Variants in NHS observed in about 807,000 individuals in gnomAD.
NHS encodes the protein actin remodeling regulator NHS.
A neutral mutation model predicts 72.5 loss-of-function variants in NHS; 5 were observed. The ratio of observed to expected loss-of-function variants is 0.07; its 90% CI spans 0.04 to 0.14. The LOEUF (loss-of-function observed/expected upper bound fraction) is 0.14, where lower values mean the gene tolerates loss of function less well. Among genes scored for constraint, NHS ranks in the 10% least tolerant of loss-of-function variants. The pLI, the probability that NHS is intolerant of heterozygous loss-of-function variation, is 1.00. For missense variants in NHS, 1,072 were observed against 1,355.7 expected (o/e 0.79, Z 3.29); for synonymous variants, 464 against 547.7 (o/e 0.85, Z 2.13).
At chrX:17,432,687 G>A (rs1365010427) in intron 1 of NHS, among the ~76,000 whole-genome samples, 1 of 110,928 alleles carries the variant, frequency 9.0e-6, no homozygotes, top group Admixed American at 9.5e-5. Context: ...ATAAATATTT[G>A]GTAAATAATT....
intron 1 of NHS, among the ~76,000 whole-genome samples, chrX:17,681,836 C>G (rs2066130876): frequency 8.9e-6 from 1 of 111,926 alleles, no homozygotes; most frequent in Admixed American, 9.5e-5. Flanking sequence ...AATAAACACA[C>G]AGATATGTTC....
rs769681833 is a variant in NHS, at chrX:17,601,437, A to G, written c.566-86305A>G. 6.4e-4 allele frequency among the ~76,000 whole-genome samples: 72 copies of G among 112,047 alleles called. 1 individual carries two copies. Among genetic ancestry groups the G allele is most frequent in the African/African-American group, 2.3e-3 (70 of 30,857 alleles). ...AGAACATTATTTTGTTCTCAAAGTA[A>G]GGAATAAACATGGAGGAAAATACTA... On this transcript the variant is annotated intron_variant, in intron 1 of 8. Transcript: ENST00000676302.
At chrX:17,549,547 A>G (rs937066391) in intron 1 of NHS, among the ~76,000 whole-genome samples, 2 of 111,736 alleles carry the variant, frequency 1.8e-5, no homozygotes, top group Non-Finnish European at 3.8e-5. Flanking sequence ...CCAGCACTCA[A>G]TGGCATTACA....
chrX:17,398,361 A>G (rs1338155713), intron 1 of NHS, among the ~76,000 whole-genome samples: 2 of 112,316 alleles, frequency 1.8e-5, no homozygotes, highest in Non-Finnish European at 3.8e-5. Flanking sequence ...CTCTTGTTTA[A>G]AGATCGAGAC....
chrX:17,614,277 G>T (rs932571296), intron 1 of NHS, among the ~76,000 whole-genome samples: 1 of 112,381 alleles, frequency 8.9e-6, no homozygotes, highest in African/African-American at 3.2e-5. Flanking sequence ...ACAAGAGGCC[G>T]CAAGGCTCAA....
chrX:17,576,798 C>T (rs1372637912), intron 1 of NHS, among the ~76,000 whole-genome samples: 1 of 111,628 alleles, frequency 9.0e-6, no homozygotes, highest in African/African-American at 3.3e-5. Context: ...GACTTATGGA[C>T]CCTATCCAGT....
intron 1 of NHS, among the ~76,000 whole-genome samples, chrX:17,516,986 G>A (rs1342141499): frequency 8.9e-6 from 1 of 112,301 alleles, no homozygotes; most frequent in Non-Finnish European, 1.9e-5. Flanking sequence ...AAGAGCAAGT[G>A]CCTTTTGGGT....
rs146445720 is a variant in NHS at position 17,430,870 on chromosome X, T to A, written c.565+54548T>A. Among the ~76,000 whole-genome samples the A allele has an allele frequency of 2.8e-4, 32 of 112,447 alleles. No homozygotes were observed. The East Asian group carries it at 8.1e-3, about 28-fold the overall frequency. ...GATATACTACATTTTATTTGTCCATTTATTCATTGATGGACATTTGAGCTG... is the reference window on the plus strand; with the variant it reads ...GATATACTACATTTTATTTGTCCATATATTCATTGATGGACATTTGAGCTG... On this transcript the variant is annotated intron_variant, in intron 1 of 8. Coordinates refer to ENST00000676302, the MANE Select transcript of NHS (RefSeq NM_001291867.2).
At chrX:17,509,898 A>C (rs887722838) in intron 1 of NHS, among the ~76,000 whole-genome samples, 1 of 112,838 alleles carries the variant, frequency 8.9e-6, no homozygotes, top group African/African-American at 3.2e-5. Context: ...CAGCAGCCAC[A>C]ATAGTAGCAG....
At chrX:17,522,374 G>C (rs2065152363) in intron 1 of NHS, among the ~76,000 whole-genome samples, 1 of 111,523 alleles carries the variant, frequency 9.0e-6, no homozygotes, top group Non-Finnish European at 1.9e-5. Context: ...CAGATGGTTT[G>C]GCCTGGTTGG....
At chrX:17,386,334 G>A (rs2064408159) in intron 1 of NHS, among the ~76,000 whole-genome samples, 2 of 111,219 alleles carry the variant, frequency 1.8e-5, no homozygotes, top group African/African-American at 3.3e-5. Context: ...TACCACAGGT[G>A]CAGGGCACAA....
chrX:17,667,777 G>A (rs2066021247), intron 1 of NHS, among the ~76,000 whole-genome samples: 1 of 110,392 alleles, frequency 9.1e-6, no homozygotes, highest in Admixed American at 9.6e-5. Flanking sequence ...GAGAAAAGAA[G>A]CCTCTCATCT....
At position 17,503,103 on chromosome X, in the gene NHS, C is replaced by T. The variant is rs2065043001; in HGVS notation, c.565+126781C>T. Among the ~76,000 whole-genome samples the T allele has an allele frequency of 5.3e-5, 6 of 112,206 alleles. No homozygotes were observed. The South Asian group carries it at 2.2e-3, about 42-fold the overall frequency. On this transcript the variant is annotated intron_variant, in intron 1 of 8. Transcript: ENST00000676302. Reference sequence around the variant, plus strand: ...GCTGGCAAAGAAAAAAATATCAATGCATCCCTTGCCTTCCTGGCCCTTATA... The same window carrying T: ...GCTGGCAAAGAAAAAAATATCAATGTATCCCTTGCCTTCCTGGCCCTTATA...
chrX:17,376,005 C>T lies in NHS; in HGVS notation c.248C>T (p.Pro83Leu). ...CCCGCGCCGGCCGACCAGACTCAGC[C>T]GCCGCACGGAGAGGCGTCCGTGGCT... ...PLPAPADQTQ[P>L]PHGEASVAGE... The change falls in exon 1 of 9, where the codon CCG becomes CTG. Residue 83 changes from proline to leucine, a missense_variant. By Grantham distance (98) the Pro-to-Leu change is moderately conservative. Transcript: ENST00000676302. The T allele has an allele frequency of 9.2e-7, 1 of 1,083,046 alleles. No homozygotes were observed. Among genetic ancestry groups the T allele is most frequent in the South Asian group, 2.2e-5 (1 of 44,673 alleles). 89.3% of individuals were successfully genotyped at this position (1,083,046 alleles called of 1,213,427 possible). A position where few individuals can be genotyped will look rare whatever the true frequency, so the allele number is the denominator to read the frequency against.
chrX:17,588,233 G>C (rs1310354214), intron 1 of NHS, among the ~76,000 whole-genome samples: 1 of 111,299 alleles, frequency 9.0e-6, no homozygotes, highest in Non-Finnish European at 1.9e-5. Context: ...GGAGATCTAT[G>C]CTCCCACATA....
chrX:17,661,761 C>T (rs776236656), intron 1 of NHS, among the ~76,000 whole-genome samples: 5 of 112,281 alleles, frequency 4.5e-5, no homozygotes, highest in Admixed American at 1.9e-4. Flanking sequence ...CAGGGCTAGG[C>T]GCGGTGGCTG....
chrX:17,669,872 A>G (rs1488129937), intron 1 of NHS, among the ~76,000 whole-genome samples: 1 of 112,355 alleles, frequency 8.9e-6, no homozygotes, highest in East Asian at 2.8e-4. Flanking sequence ...GTTACTGTAA[A>G]GGCCTGTTAG....
At chrX:17,666,184 G>A (rs939742620) in intron 1 of NHS, among the ~76,000 whole-genome samples, 5 of 112,184 alleles carry the variant, frequency 4.5e-5, no homozygotes, top group Non-Finnish European at 7.5e-5. Context: ...ATGACAAATT[G>A]TGGAGTTTAG....
intron 3 of NHS, among the ~76,000 whole-genome samples, chrX:17,694,217 T>C (rs1395291093): frequency 1.8e-5 from 2 of 112,242 alleles, no homozygotes; most frequent in Non-Finnish European, 3.8e-5. Flanking sequence ...AGTAAGTTTG[T>C]CCATCCCAAA....
Sources: allele counts gnomAD v4.1 joint callset (sites outside exome capture counted in the v4.1 genomes callset), GRCh38; gene constraint gnomAD v4.1.1; transcripts MANE v1.5; gene names NCBI Gene and HGNC (gene_info 2026-07-23, HGNC 2026-07-21).